ASTN1: variants seen among roughly 807,000 people sequenced by gnomAD.
The protein encoded by ASTN1 is astrotactin-1.
A neutral mutation model predicts 140.7 loss-of-function variants in ASTN1; 41 were observed. The ratio of observed to expected loss-of-function variants is 0.29; its 90% CI spans 0.23 to 0.38. The LOEUF is 0.38. Among genes scored for constraint, ASTN1 ranks in the 10% least tolerant of loss-of-function variants. The pLI is 1.00. For synonymous variants in ASTN1, 640 were observed against 652.2 expected, an observed-to-expected ratio of 0.98 and a Z score of 0.29; for missense variants, 1,479 against 1,678.8, an observed-to-expected ratio of 0.88 and a Z score of 2.08.
At chr1:177,005,700 T>C (rs2101922003) in intron 8 of ASTN1, among the ~76,000 whole-genome samples, 1 of 152,144 alleles carries the variant, frequency 6.6e-6, no homozygotes, top group Admixed American at 6.5e-5. Flanking sequence ...TGTTCCATGG[T>C]GTGTATGTGT....
At chr1:177,076,492 T>C (rs1350955183) in intron 1 of ASTN1, among the ~76,000 whole-genome samples, 2 of 151,080 alleles carry the variant, frequency 1.3e-5, no homozygotes, top group African/African-American at 4.9e-5. Context: ...GACGTTTCTC[T>C]GCTAGAGTTG....
chr1:176,876,717 A>C, intron 20 of ASTN1, 80 bp from the exon 21 acceptor site: 1 of 1,397,332 alleles, frequency 7.2e-7, no homozygotes, highest in Non-Finnish European at 9.9e-7. Flanking sequence ...CTCATGGCCC[A>C]GCTCTGCCTG....
At chr1:177,164,292 G>T in intron 1 of ASTN1, 102 bp downstream of exon 1, 2 of 1,245,636 alleles carry the variant, frequency 1.6e-6, no homozygotes, top group Non-Finnish European at 2.2e-6. Context: ...AGGAGTGGGG[G>T]AGGGGAGGTC....
chr1:177,122,314 C>T (rs1332604669), intron 1 of ASTN1, among the ~76,000 whole-genome samples: 1 of 152,104 alleles, frequency 6.6e-6, no homozygotes, highest in Non-Finnish European at 1.5e-5. Context: ...AGAGGCAGAG[C>T]ACGATGCCAC....
intron 12 of ASTN1, among the ~76,000 whole-genome samples, chr1:176,948,267 C>G (rs868386579): frequency 6.7e-6 from 1 of 149,626 alleles, no homozygotes; most frequent in East Asian, 2.0e-4. Context: ...AAGTTCTGTC[C>G]TTAGCAGGTC....
chr1:176,860,145 C>A (rs1667922365), downstream of ASTN1, among the ~76,000 whole-genome samples: 2 of 152,120 alleles, frequency 1.3e-5, no homozygotes, highest in Non-Finnish European at 2.9e-5. Context: ...AGGCAGAAGC[C>A]CTAAGGCCTT....
chr1:177,012,326 A>G (rs1675333770), intron 8 of ASTN1, among the ~76,000 whole-genome samples: 1 of 152,214 alleles, frequency 6.6e-6, no homozygotes, highest in Non-Finnish European at 1.5e-5. Flanking sequence ...TTTATGAGGA[A>G]AAATACAGTC....
Position 177,032,817 on chromosome 1 carries a change from C to T in ASTN1, c.504G>A (p.Leu168=). The T allele has an allele frequency of 6.2e-7, 1 of 1,609,808 alleles. No individual in the cohort carries two copies. The highest frequency in any genetic ancestry group is 1.1e-5 in the South Asian group (1 of 90,926). Residue 168 remains leucine, a synonymous_variant, in exon 3 of 23, where the codon TTG becomes TTA. Coordinates refer to ENST00000361833, the MANE Select transcript of ASTN1 (RefSeq NM_004319.3). ...GAGTATACAGGATCATCACCAGGCACAAGATGGACAGCAGCAGAGCGATCA... is the reference window on the plus strand; with the variant it reads ...GAGTATACAGGATCATCACCAGGCATAAGATGGACAGCAGCAGAGCGATCA... The part of the protein sequence containing the change: ...GGMIALLLSI[L]CLVMILYTRR...
At chr1:177,086,963 C>T (rs1188388935) in intron 1 of ASTN1, among the ~76,000 whole-genome samples, 2 of 152,172 alleles carry the variant, frequency 1.3e-5, no homozygotes, top group Non-Finnish European at 2.9e-5. Context: ...TGCATGGATA[C>T]AGACTATCAT....
intron 8 of ASTN1, among the ~76,000 whole-genome samples, chr1:176,971,249 A>G (rs781360102): frequency 5.9e-5 from 9 of 152,186 alleles, no homozygotes; most frequent in Non-Finnish European, 1.2e-4. Flanking sequence ...TCTGCTATGC[A>G]ATTGGCTGAA....
At chr1:177,072,587 T>C (rs1678695209) in intron 1 of ASTN1, among the ~76,000 whole-genome samples, 1 of 152,202 alleles carries the variant, frequency 6.6e-6, no homozygotes. Context: ...ATCTTGTTGC[T>C]CAGCTGAGAA....
Position 176,894,153 on chromosome 1 carries a change from C to T in ASTN1, c.2940+409G>A, listed in dbSNP as rs935142507. 8.5e-5 allele frequency among the ~76,000 whole-genome samples: 13 copies of T among 152,258 alleles called. No homozygotes were observed. In the East Asian group the frequency reaches 2.3e-3, roughly 27 times the overall value. ...CCTTCTAGTCCAGCTGCAGCTGGGC[C>T]AGGCTAAGGGATCAGCGAGGGAAGC... On this transcript the variant is annotated intron_variant, in intron 17 of 22. Coordinates refer to ENST00000361833, the MANE Select transcript of ASTN1 (RefSeq NM_004319.3).
chr1:176,975,428 C>G (rs1673323447), intron 8 of ASTN1, among the ~76,000 whole-genome samples: 1 of 152,256 alleles, frequency 6.6e-6, no homozygotes, highest in Non-Finnish European at 1.5e-5. Flanking sequence ...TTCTCCCCAT[C>G]ATGGGCATAA....
At chr1:177,045,371 A>T (rs1489151976) in intron 2 of ASTN1, among the ~76,000 whole-genome samples, 1 of 152,176 alleles carries the variant, frequency 6.6e-6, no homozygotes, top group Admixed American at 6.5e-5. Context: ...CCAGGGAGGC[A>T]CATTCCGCTG....
chr1:176,875,764 A>T (rs1668534497), intron 21 of ASTN1, among the ~76,000 whole-genome samples: 3 of 152,224 alleles, frequency 2.0e-5, no homozygotes. Context: ...TTAATATGCA[A>T]ATGCTATCCG....
intron 16 of ASTN1, among the ~76,000 whole-genome samples, chr1:176,913,599 T>C (rs1670345504): frequency 6.6e-6 from 1 of 152,248 alleles, no homozygotes; most frequent in South Asian, 2.1e-4. Context: ...CAAACTTGGA[T>C]TTAGAAGAAT....
chr1:176,918,342 TCTC>T (rs1371145090), intron 16 of ASTN1, among the ~76,000 whole-genome samples: 2 of 152,086 alleles, frequency 1.3e-5, no homozygotes. Context: ...AGCTCTGACT[TCTC>T]CTCTGAGCTC....
intron 21 of ASTN1, among the ~76,000 whole-genome samples, chr1:176,875,302 G>A (rs1166226038): frequency 1.3e-5 from 2 of 152,178 alleles, no homozygotes; most frequent in Admixed American, 1.3e-4. Flanking sequence ...ATTGGCTAAG[G>A]GAGGGGGCCG....
chr1:177,128,996 A>C (rs1681809761), intron 1 of ASTN1, among the ~76,000 whole-genome samples: 1 of 152,236 alleles, frequency 6.6e-6, no homozygotes, highest in Admixed American at 6.5e-5. Context: ...AACGAGCTCC[A>C]AGAAAGGATG....
Sources: gnomAD v4.1 joint callset for allele counts (sites outside exome capture counted in the v4.1 genomes callset) on GRCh38, gnomAD v4.1.1 for gene constraint, MANE v1.5 for transcripts, NCBI Gene and HGNC (gene_info 2026-07-23, HGNC 2026-07-21) for gene names.